GPC5: variants seen among roughly 807,000 people sequenced by gnomAD.
GPC5 encodes the protein glypican-5.
A neutral mutation model predicts 53.9 loss-of-function variants in GPC5; 47 were observed. The observed-to-expected ratio is 0.87, with a 90% CI of 0.69 to 1.11. The LOEUF (loss-of-function observed/expected upper bound fraction) is 1.11, where lower values mean the gene tolerates loss of function less well. Among genes scored for constraint, GPC5 ranks in the 50% most tolerant of loss-of-function variants. GPC5 has a pLI of 0.00. For missense variants in GPC5, 748 were observed against 713.1 expected (o/e 1.05, Z -0.56); for synonymous variants, 286 against 263.3 (o/e 1.09, Z -0.84).
chr13:92,706,512 GC>G (rs1463168811), intron 7 of GPC5, among the ~76,000 whole-genome samples: 1 of 151,988 alleles, frequency 6.6e-6, no homozygotes, highest in Non-Finnish European at 1.5e-5. Flanking sequence ...GAAGTATAGA[GC>G]CAGCTCCCAC....
intron 2 of GPC5, among the ~76,000 whole-genome samples, chr13:91,663,156 T>C (rs2035025588): frequency 1.3e-5 from 2 of 152,200 alleles, no homozygotes; most frequent in African/African-American, 4.8e-5. Context: ...AGTACTTAGT[T>C]CAGTATGGTT....
At chr13:92,571,290 A>G (rs1883014683) in intron 7 of GPC5, among the ~76,000 whole-genome samples, 1 of 152,178 alleles carries the variant, frequency 6.6e-6, no homozygotes, top group African/African-American at 2.4e-5. Context: ...ATAGAGAGAC[A>G]GCAACTCTGT....
intron 4 of GPC5, among the ~76,000 whole-genome samples, chr13:91,729,500 T>G (rs974034649): frequency 1.3e-5 from 2 of 152,182 alleles, no homozygotes; most frequent in African/African-American, 4.8e-5. Context: ...TATGAATAAT[T>G]CATATATAAG....
chr13:92,508,754 A>G (rs1356244897), intron 7 of GPC5, among the ~76,000 whole-genome samples: 1 of 152,232 alleles, frequency 6.6e-6, no homozygotes, highest in Non-Finnish European at 1.5e-5. Context: ...TAAATTAGTC[A>G]AGTCATAGAG....
At chr13:91,426,313 GGGCTCTGCTGCT>G (rs1192217886) in intron 1 of GPC5, among the ~76,000 whole-genome samples, 5 of 152,094 alleles carry the variant, frequency 3.3e-5, no homozygotes, top group African/African-American at 1.2e-4. Context: ...GTAGGGCCCA[GGGCTCTGCTGCT>G]GTGTGCAGCA....
chr13:92,715,246 A>C (rs1888289982), intron 7 of GPC5, among the ~76,000 whole-genome samples: 2 of 152,266 alleles, frequency 1.3e-5, no homozygotes, highest in East Asian at 3.9e-4. Flanking sequence ...TTTCTATGAG[A>C]GTGTGTGCAT....
chr13:91,998,679 T>C (rs9589393), intron 6 of GPC5, among the ~76,000 whole-genome samples: 12,525 of 152,246 alleles, frequency 0.082, 1,764 homozygotes, highest in African/African-American at 0.28. Context: ...AAAATGAGTG[T>C]GGCTTAATTG....
At chr13:92,377,399 T>C (rs1223227781) in intron 7 of GPC5, among the ~76,000 whole-genome samples, 1 of 152,210 alleles carries the variant, frequency 6.6e-6, no homozygotes, top group Non-Finnish European at 1.5e-5. Flanking sequence ...ACATGAGGCA[T>C]ACATTTGAAA....
intron 7 of GPC5, among the ~76,000 whole-genome samples, chr13:92,210,814 CAG>C (rs746503940): frequency 1.3e-5 from 2 of 152,076 alleles, no homozygotes; most frequent in Non-Finnish European, 2.9e-5. Flanking sequence ...TTTCTCAAGT[CAG>C]AAATGAAAAT....
Position 92,385,383 on chromosome 13 carries a change from T to C in GPC5, c.1561+240394T>C, listed in dbSNP as rs375033489. 2.0e-3 allele frequency among the ~76,000 whole-genome samples: 80 copies of C among 39,214 alleles called. 3 individuals are homozygous for C. The highest frequency in any genetic ancestry group is 4.3e-3 in the African/African-American group (57 of 13,390). The allele number at this position is 39,214 out of a possible 152,430, so 25.7% of individuals were successfully genotyped here. A position where few individuals can be genotyped will look rare whatever the true frequency, so the allele number is the denominator to read the frequency against. ...ATATACATATATATACATATATACA[T>C]ATATATACATATATACACATATATA... On this transcript the variant is annotated intron_variant, in intron 7 of 7. Transcript: ENST00000377067.
intron 7 of GPC5, among the ~76,000 whole-genome samples, chr13:92,264,272 G>A (rs967263733): frequency 6.6e-6 from 1 of 152,080 alleles, no homozygotes; most frequent in Non-Finnish European, 1.5e-5. Flanking sequence ...GATGTTAGAA[G>A]CTGGCTGTAA....
At position 92,385,409 on chromosome 13, in the gene GPC5, C is replaced by CATATATACATATAT. The variant is rs1566567343; in HGVS notation, c.1561+240421_1561+240422insTATATACATATATA. Among the ~76,000 whole-genome samples the CATATATACATATAT allele has an allele frequency of 6.6e-4, 45 of 68,500 alleles. 4 individuals are homozygous for CATATATACATATAT. Among genetic ancestry groups the CATATATACATATAT allele is most frequent in the South Asian group, 2.0e-3 (5 of 2,444 alleles). The allele number at this position is 68,500 out of a possible 152,430, so 44.9% of individuals were successfully genotyped here. A position where few individuals can be genotyped will look rare whatever the true frequency, so the allele number is the denominator to read the frequency against. On this transcript the variant is annotated intron_variant, in intron 7 of 7. Coordinates refer to ENST00000377067, the MANE Select transcript of GPC5 (RefSeq NM_004466.6). The stretch of plus-strand genomic sequence containing the variant: ...ATATATACATATATACACATATATA[C>CATATATACATATAT]ACATATATATACATATATACATATA...
intron 7 of GPC5, among the ~76,000 whole-genome samples, chr13:92,259,242 C>T (rs2042748178): frequency 6.6e-6 from 1 of 152,230 alleles, no homozygotes; most frequent in South Asian, 2.1e-4. Context: ...AAGTTGTTTT[C>T]TATGAACTAA....
At chr13:92,004,600 A>C (rs1050628873) in intron 6 of GPC5, among the ~76,000 whole-genome samples, 1 of 151,188 alleles carries the variant, frequency 6.6e-6, no homozygotes, top group Admixed American at 6.6e-5. Context: ...GATAGAATAG[A>C]GTCACAATTT....
At chr13:92,698,179 A>T (rs1343696007) in intron 7 of GPC5, among the ~76,000 whole-genome samples, 5 of 151,454 alleles carry the variant, frequency 3.3e-5, no homozygotes, top group Non-Finnish European at 7.4e-5. Context: ...TTTTTTTTTA[A>T]TTATACTTTA....
At chr13:91,667,231 T>C (rs893738157) in intron 2 of GPC5, among the ~76,000 whole-genome samples, 1 of 152,240 alleles carries the variant, frequency 6.6e-6, no homozygotes, top group African/African-American at 2.4e-5. Flanking sequence ...TCCTAATGTA[T>C]CACTTATCTT....
intron 3 of GPC5, among the ~76,000 whole-genome samples, chr13:91,710,258 T>C (rs1423752372): frequency 6.6e-6 from 1 of 152,244 alleles, no homozygotes; most frequent in Non-Finnish European, 1.5e-5. Context: ...TTGAATTAGA[T>C]TTAATTTCAG....
intron 6 of GPC5, among the ~76,000 whole-genome samples, chr13:91,976,594 T>C (rs985467873): frequency 6.6e-6 from 1 of 151,546 alleles, no homozygotes; most frequent in Non-Finnish European, 1.5e-5. Context: ...AAGCAGGAGG[T>C]TGGTTTGGGA....
chr13:92,810,512 T>A (rs9301835), intron 7 of GPC5, among the ~76,000 whole-genome samples: 14,731 of 151,908 alleles, frequency 0.097, 1,400 homozygotes, highest in African/African-American at 0.23. Flanking sequence ...ATTTACACTG[T>A]TATATCACCA....
Sources: allele counts gnomAD v4.1 joint callset (sites outside exome capture counted in the v4.1 genomes callset), GRCh38; gene constraint gnomAD v4.1.1; transcripts MANE v1.5; gene names NCBI Gene and HGNC (gene_info 2026-07-23, HGNC 2026-07-21).